Variants in MTCL1 observed in about 807,000 individuals in gnomAD.
The protein encoded by MTCL1 is microtubule crosslinking factor 1.
MTCL1 carries 79 observed loss-of-function variants against 141.4 expected under a neutral mutation model. The ratio of observed to expected loss-of-function variants is 0.56; its 90% confidence interval spans 0.47 to 0.67. The LOEUF is 0.67. Ranked by LOEUF, MTCL1 falls within the 30% of genes least tolerant of loss-of-function variation. The pLI, the probability that MTCL1 is intolerant of heterozygous loss-of-function variation, is 0.00. For missense variants in MTCL1, 2,177 were observed against 2,113.9 expected, an observed-to-expected ratio of 1.03 and a Z score of -0.59; for synonymous variants, 914 against 875.8, an observed-to-expected ratio of 1.04 and a Z score of -0.77.
At chr18:8,711,618 A>G (rs2096092916) in intron 1 of MTCL1, among the ~76,000 whole-genome samples, 1 of 151,768 alleles carries the variant, frequency 6.6e-6, no homozygotes, top group African/African-American at 2.4e-5. Context: ...AGTGGTTTTG[A>G]TTTGCATTTC....
Position 8,728,720 on chromosome 18 carries a change from C to CTTTTTTTTTTTTTT in MTCL1, c.357+8239_357+8252dup, listed in dbSNP as rs34524200. On this transcript the variant is annotated intron_variant, in intron 4 of 16. Coordinates refer to ENST00000359865, the Ensembl canonical transcript of MTCL1. ...GTGGGGCCTTCTTATGTTGTCCATT[C>CTTTTTTTTTTTTTT]TTTTTTTTTTTTTTTTTTTTTTTTT... is the stretch of plus-strand genomic sequence containing the variant. Among the ~76,000 whole-genome samples the CTTTTTTTTTTTTTT allele has an allele frequency of 6.4e-4, 38 of 59,076 alleles. 10 individuals carry two copies. The highest frequency in any genetic ancestry group is 1.5e-3 in the African/African-American group (22 of 14,852). 38.8% of individuals were successfully genotyped at this position (59,076 alleles called of 152,430 possible). A position where few individuals can be genotyped will look rare whatever the true frequency, so the allele number is the denominator to read the frequency against.
intron 14 of MTCL1, among the ~76,000 whole-genome samples, chr18:8,823,468 CTCA>C (rs540529940): frequency 2.6e-5 from 4 of 152,204 alleles, no homozygotes; most frequent in Non-Finnish European, 4.4e-5. Flanking sequence ...TGTTCTGAAA[CTCA>C]TCATTAATTC....
chr18:8,783,760 G>C, exon 6 of MTCL1: 1 of 1,612,642 alleles, frequency 6.2e-7, no homozygotes, highest in Non-Finnish European at 8.5e-7. Context: ...TGGTGGAGGA[G>C]GAAGCCAACA....
chr18:8,756,817 C>T (rs1156495572), intron 4 of MTCL1, among the ~76,000 whole-genome samples: 1 of 152,090 alleles, frequency 6.6e-6, no homozygotes, highest in Non-Finnish European at 1.5e-5. Context: ...GCAGTGAATC[C>T]CAAGGAATAT....
intron 10 of MTCL1, among the ~76,000 whole-genome samples, chr18:8,805,295 G>T (rs948469879): frequency 6.6e-6 from 1 of 151,980 alleles, no homozygotes; most frequent in Non-Finnish European, 1.5e-5. Context: ...AGTGTCTGTT[G>T]TTCCCATCTC....
chr18:8,823,804 C>G (rs1197082321), intron 14 of MTCL1, among the ~76,000 whole-genome samples: 1 of 152,212 alleles, frequency 6.6e-6, no homozygotes, highest in African/African-American at 2.4e-5. Context: ...TACCAGCGCA[C>G]ACGGTACAGG....
exon 1 of MTCL1, chr18:8,706,503 G>C: frequency 7.6e-7 from 1 of 1,308,002 alleles, no homozygotes. Flanking sequence ...CCTGTCCCGG[G>C]GGCCGGAGCA....
At chr18:8,797,908 C>T (rs1176406084) in intron 9 of MTCL1, among the ~76,000 whole-genome samples, 189 bp from the exon 9 acceptor site, 1 of 152,190 alleles carries the variant, frequency 6.6e-6, no homozygotes, top group Non-Finnish European at 1.5e-5. Flanking sequence ...GAGCATCCAC[C>T]CTGTGGTCTT....
At chr18:8,721,923 G>A (rs1206336043) in intron 4 of MTCL1, among the ~76,000 whole-genome samples, 1 of 152,138 alleles carries the variant, frequency 6.6e-6, no homozygotes, top group East Asian at 1.9e-4. Flanking sequence ...GAATGAAGGG[G>A]GCGGAGCATA....
At chr18:8,820,593 G>A (rs1370276814) in intron 13 of MTCL1, among the ~76,000 whole-genome samples, 1 of 152,164 alleles carries the variant, frequency 6.6e-6, no homozygotes, top group Non-Finnish European at 1.5e-5. Context: ...TCAGCAATGT[G>A]TACCAGGTTG....
At chr18:8,790,492 G>A (rs772590723) in intron 7 of MTCL1, among the ~76,000 whole-genome samples, 1 of 152,194 alleles carries the variant, frequency 6.6e-6, no homozygotes, top group Admixed American at 6.5e-5. Flanking sequence ...TAGGTGACCT[G>A]GAAACAGTCC....
chr18:8,822,504 T>G lies in MTCL1; in HGVS notation c.3188+1006T>G, dbSNP rs1436634160. ...CAGAGTTTCGCCATGTTGGCCAGGCTGGTCTCGAATTCCTGACCTCAGGTG... is the reference window on the plus strand; with the variant it reads ...CAGAGTTTCGCCATGTTGGCCAGGCGGGTCTCGAATTCCTGACCTCAGGTG... On this transcript the variant is annotated intron_variant, in intron 14 of 16. Transcript: ENST00000359865. The surrounding 1 kb of genome is among the most constrained non-coding windows in gnomAD (Gnocchi z 4.6). Among the ~76,000 whole-genome samples, 1 of 152,138 alleles carries G rather than the reference T, an allele frequency of 6.6e-6. No homozygotes were observed. Among genetic ancestry groups the G allele is most frequent in the Non-Finnish European group, 1.5e-5 (1 of 68,028 alleles).
At chr18:8,827,873 A>C (rs1182290676) in intron 15 of MTCL1, among the ~76,000 whole-genome samples, 1 of 152,196 alleles carries the variant, frequency 6.6e-6, no homozygotes, top group African/African-American at 2.4e-5. Context: ...TTATCAGTAC[A>C]AAGTGGCGCC....
chr18:8,821,401 A>G (rs2076841843), intron 13 of MTCL1, 66 bp from the exon 13 acceptor site: 2 of 1,016,996 alleles, frequency 2.0e-6, no homozygotes, highest in African/African-American at 1.6e-5. Flanking sequence ...AAATCACTTA[A>G]GTACATTCAG....
chr18:8,815,455 C>T (rs1428087827), intron 12 of MTCL1, among the ~76,000 whole-genome samples: 2 of 151,852 alleles, frequency 1.3e-5, no homozygotes, highest in Non-Finnish European at 2.9e-5. Context: ...GAACATCACA[C>T]TCTGGGGACT....
At chr18:8,821,378 G>A in intron 13 of MTCL1, 89 bp from the exon 13 acceptor site, 3 of 812,790 alleles carry the variant, frequency 3.7e-6, no homozygotes, top group African/African-American at 1.7e-5. Context: ...TTTCCTGGGG[G>A]TGCAGAGCAA....
chr18:8,821,518 A>T lies in MTCL1; in HGVS notation c.3188+20A>T. 7.9e-7 allele frequency: 1 copy of T among 1,266,568 alleles called. No individual in the cohort carries two copies. The highest frequency in any genetic ancestry group is 1.1e-6 in the Non-Finnish European group (1 of 885,150). 78.5% of individuals were successfully genotyped at this position (1,266,568 alleles called of 1,614,324 possible). A position where few individuals can be genotyped will look rare whatever the true frequency, so the allele number is the denominator to read the frequency against. On this transcript the variant is annotated intron_variant, in intron 14 of 16. Transcript: ENST00000359865. Reference sequence around the variant, plus strand: ...TCAAAGGTAAGTAAGATTGATGAAAATAATAGATTACTAGAATAAAAATGT... The same window carrying T: ...TCAAAGGTAAGTAAGATTGATGAAATTAATAGATTACTAGAATAAAAATGT...
intron 13 of MTCL1, among the ~76,000 whole-genome samples, chr18:8,820,679 C>T (rs1043364068): frequency 2.6e-5 from 4 of 152,152 alleles, no homozygotes; most frequent in African/African-American, 4.8e-5. Flanking sequence ...GTAGAGGTAA[C>T]GTGGGGTGGG....
intron 7 of MTCL1, among the ~76,000 whole-genome samples, chr18:8,791,723 C>T (rs2075733336): frequency 6.6e-6 from 1 of 152,244 alleles, no homozygotes. Flanking sequence ...TAGGGAAATG[C>T]ATCTTTTCAG....
Sources: allele counts gnomAD v4.1 joint callset (sites outside exome capture counted in the v4.1 genomes callset), GRCh38; gene constraint gnomAD v4.1.1; non-coding constraint Gnocchi (gnomAD v3.1); transcripts MANE v1.5; gene names NCBI Gene and HGNC (gene_info 2026-07-23, HGNC 2026-07-21).